SLC8A1: variants seen among roughly 807,000 people sequenced by gnomAD.
SLC8A1 encodes solute carrier family 8 member A1, also known as sodium/calcium exchanger 1.
A neutral mutation model predicts 68.3 loss-of-function variants in SLC8A1; 18 were observed. That is an observed-to-expected ratio of 0.26 (90% CI 0.18 to 0.39). The LOEUF is 0.39. Among genes scored for constraint, SLC8A1 ranks in the 10% least tolerant of loss-of-function variants. SLC8A1 has a pLI of 1.00. For synonymous variants in SLC8A1, 475 were observed against 415.5 expected (o/e 1.14, Z -1.74); for missense variants, 985 against 1,156.7 (o/e 0.85, Z 2.15).
chr2:40,462,209 G>A (rs1375772917), intron 1 of SLC8A1, among the ~76,000 whole-genome samples: 1 of 151,336 alleles, frequency 6.6e-6, no homozygotes, highest in African/African-American at 2.4e-5. Flanking sequence ...GTTTCACCAT[G>A]TTTGCCAGGC....
rs1027574630 is a variant in SLC8A1 at position 40,398,722 on chromosome 2, T to C, written c.1808+29751A>G. ...TTTAAAATGGCTGTATAGTATTTCC[T>C]TGTGATTTTCATAACCATCCCCATA... is the stretch of plus-strand genomic sequence containing the variant. On this transcript the variant is annotated intron_variant, in intron 2 of 7. Transcript: ENST00000406785. 3.9e-5 allele frequency among the ~76,000 whole-genome samples: 6 copies of C among 152,244 alleles called. 1 individual carries two copies. Among genetic ancestry groups the C allele is most frequent in the Admixed American group, 2.0e-4 (3 of 15,290 alleles).
intron 2 of SLC8A1, among the ~76,000 whole-genome samples, chr2:40,267,223 G>T (rs1483038652): frequency 2.0e-5 from 3 of 152,166 alleles, no homozygotes; most frequent in Non-Finnish European, 2.9e-5. Context: ...ATCTTTACTT[G>T]CCTGAGTTAT....
intron 2 of SLC8A1, among the ~76,000 whole-genome samples, chr2:40,283,554 G>A (rs1440969664): frequency 3.3e-5 from 5 of 152,168 alleles, no homozygotes; most frequent in African/African-American, 7.2e-5. Flanking sequence ...CACTGTTTTT[G>A]TGACAACCCT....
intron 2 of SLC8A1, among the ~76,000 whole-genome samples, chr2:40,357,236 A>T (rs924311701): frequency 5.3e-5 from 8 of 152,276 alleles, no homozygotes; most frequent in African/African-American, 1.4e-4. Flanking sequence ...TCGTACCTCT[A>T]ATCTCAGCAC....
intron 1 of SLC8A1, among the ~76,000 whole-genome samples, chr2:40,451,549 C>T (rs1702487620): frequency 6.6e-6 from 1 of 152,164 alleles, no homozygotes. Context: ...CTTAGCTCTT[C>T]GCGCCCTGAA....
At chr2:40,113,007 A>T (rs2034752664) in exon 8 of SLC8A1, 1 of 152,334 alleles carries the variant, frequency 6.6e-6, no homozygotes, top group Admixed American at 6.5e-5. Flanking sequence ...CAAGATAAAA[A>T]TCTTTCCATA....
chr2:40,186,972 A>G (rs434326), intron 2 of SLC8A1, among the ~76,000 whole-genome samples: 38,827 of 152,128 alleles, frequency 0.26, 5,219 homozygotes, highest in African/African-American at 0.31. Context: ...GTTAGGTACT[A>G]TTATTCTTAT....
intron 2 of SLC8A1, among the ~76,000 whole-genome samples, chr2:40,230,442 C>T (rs533714659): frequency 6.6e-6 from 1 of 152,244 alleles, no homozygotes; most frequent in African/African-American, 2.4e-5. Context: ...CCACACATTG[C>T]ACCTTGGCTC....
intron 2 of SLC8A1, among the ~76,000 whole-genome samples, chr2:40,269,785 G>C (rs974520866): frequency 2.0e-5 from 3 of 149,426 alleles, no homozygotes; most frequent in Non-Finnish European, 4.5e-5. Context: ...GACTGTTGCT[G>C]TTTTTTTTTT....
chr2:40,339,089 C>T (rs1666909950), intron 2 of SLC8A1, among the ~76,000 whole-genome samples: 1 of 152,134 alleles, frequency 6.6e-6, no homozygotes, highest in African/African-American at 2.4e-5. Context: ...GTCTGATTTT[C>T]AAGAACCAAG....
chr2:40,357,951 A>C (rs1006460106), intron 2 of SLC8A1, among the ~76,000 whole-genome samples: 2 of 149,674 alleles, frequency 1.3e-5, no homozygotes, highest in Middle Eastern at 3.4e-3. Flanking sequence ...GCTGCCAGAT[A>C]TTTTATCCTG....
intron 2 of SLC8A1, among the ~76,000 whole-genome samples, chr2:40,361,889 T>C: frequency 3.9e-5 from 2 of 51,778 alleles, no homozygotes; most frequent in Admixed American, 1.6e-4. Flanking sequence ...TTTCTTTCCT[T>C]TTTTTTTTTT....
intron 2 of SLC8A1, among the ~76,000 whole-genome samples, chr2:40,420,676 T>C (rs1230273993): frequency 2.0e-5 from 3 of 152,170 alleles, no homozygotes; most frequent in Non-Finnish European, 4.4e-5. Flanking sequence ...GGGTGCAATG[T>C]GGTTAATACA....
chr2:40,499,438 G>T (rs187033216), intron 1 of SLC8A1, among the ~76,000 whole-genome samples: 5 of 152,180 alleles, frequency 3.3e-5, no homozygotes, highest in Admixed American at 3.3e-4. Flanking sequence ...TGGCACATAG[G>T]AATTGCTTTT....
chr2:40,196,823 A>AG (rs1346973195), intron 2 of SLC8A1, among the ~76,000 whole-genome samples: 2 of 152,088 alleles, frequency 1.3e-5, no homozygotes, highest in Non-Finnish European at 2.9e-5. Context: ...TCAGGGGATG[A>AG]AAGCAAAAGG....
At chr2:40,115,543 C>T in exon 8 of SLC8A1, 1 of 1,614,158 alleles carries the variant, frequency 6.2e-7, no homozygotes, top group Non-Finnish European at 8.5e-7. Flanking sequence ...CCCAGGAAGA[C>T]ATTCACCGCG....
intron 2 of SLC8A1, among the ~76,000 whole-genome samples, chr2:40,384,650 G>C (rs998743127): frequency 6.6e-6 from 1 of 152,040 alleles, no homozygotes; most frequent in Non-Finnish European, 1.5e-5. Context: ...ATGATCTTTG[G>C]TGGAATATTT....
chr2:40,176,712 A>G (rs547608465), intron 3 of SLC8A1, among the ~76,000 whole-genome samples: 12 of 152,322 alleles, frequency 7.9e-5, no homozygotes, highest in Admixed American at 1.3e-4. Flanking sequence ...TTAGTCCTAT[A>G]TATTTTATTT....
exon 8 of SLC8A1, chr2:40,109,453 A>G (rs996797427): frequency 6.6e-6 from 1 of 152,218 alleles, no homozygotes; most frequent in Non-Finnish European, 1.5e-5. Flanking sequence ...AAAATAAACA[A>G]CACTATTATA....
Sources: allele counts gnomAD v4.1 joint callset (sites outside exome capture counted in the v4.1 genomes callset), GRCh38; gene constraint gnomAD v4.1.1; transcripts MANE v1.5; gene names NCBI Gene and HGNC (gene_info 2026-07-23, HGNC 2026-07-21).